The following MAP2K3 variants were observed in gnomAD, a reference collection of about 807,000 sequenced individuals.
MAP2K3 encodes the protein mitogen-activated protein kinase kinase 3.
A neutral mutation model predicts 46.4 loss-of-function variants in MAP2K3; 30 were observed. The observed-to-expected ratio is 0.65, with a 90% CI of 0.48 to 0.88. The LOEUF (loss-of-function observed/expected upper bound fraction) is 0.88, where lower values mean the gene tolerates loss of function less well. Ranked by LOEUF, MAP2K3 falls within the 40% of genes least tolerant of loss-of-function variation. The probability of loss-of-function intolerance (pLI) is 0.00; values close to 1 mark genes in which losing one functional copy is unlikely to be tolerated. For missense variants in MAP2K3, 380 were observed against 464.5 expected (o/e 0.82, Z 1.67); for synonymous variants, 189 against 176.3 (o/e 1.07, Z -0.57).
intron 7 of MAP2K3, 133 bp from the exon 8 acceptor site, chr17:21,304,293 C>T (rs903615528): frequency 1.3e-6 from 2 of 1,523,410 alleles, no homozygotes; most frequent in East Asian, 4.5e-5. Context: ...CCTGGTGCAA[C>T]CTGCCCACTG....
chr17:21,298,614 C>A (rs888238489), intron 2 of MAP2K3, 135 bp downstream of exon 2: 2 of 1,442,066 alleles, frequency 1.4e-6, no homozygotes. Flanking sequence ...GCTGTGCATA[C>A]AGCCAGGTGA....
At chr17:21,309,001 A>G (rs558458338) in intron 9 of MAP2K3, among the ~76,000 whole-genome samples, 1 of 152,424 alleles carries the variant, frequency 6.6e-6, no homozygotes, top group East Asian at 1.9e-4. Flanking sequence ...TGTTTCCACC[A>G]CTGTGGCTGG....
At position 21,298,087 on chromosome 17, in the gene MAP2K3, G is replaced by T. The variant is rs565999017; in HGVS notation, c.50-326G>T. Among the ~76,000 whole-genome samples, 7 of 152,428 alleles carry T rather than the reference G, an allele frequency of 4.6e-5. No homozygotes were observed. In the East Asian group the frequency reaches 1.3e-3, roughly 29 times the overall value. On this transcript the variant is annotated intron_variant, in intron 1 of 11. Coordinates refer to ENST00000342679, the MANE Select transcript of MAP2K3 (RefSeq NM_145109.3). ...TTCTCACCCCACATCCCATTGACTA[G>T]TCAGGCAGGGCAGTGAGGACACCTC...
intron 1 of MAP2K3, among the ~76,000 whole-genome samples, chr17:21,293,961 T>C (rs1353296100): frequency 6.6e-6 from 1 of 152,304 alleles, no homozygotes; most frequent in Non-Finnish European, 1.5e-5. Flanking sequence ...TGCCCACAGG[T>C]GCTTGGCAGT....
At chr17:21,293,575 GA>G (rs1948167401) in intron 1 of MAP2K3, among the ~76,000 whole-genome samples, 1 of 152,310 alleles carries the variant, frequency 6.6e-6, no homozygotes, top group African/African-American at 2.4e-5. Flanking sequence ...ATAGTCTGGG[GA>G]TCCCCCGTTC....
chr17:21,311,028 G>C (rs4995133), intron 9 of MAP2K3, among the ~76,000 whole-genome samples: 2 of 152,172 alleles, frequency 1.3e-5, no homozygotes, highest in African/African-American at 4.8e-5. Context: ...AAATCGGTAC[G>C]GTTTTGTCCT....
In MAP2K3 at chr17:21,300,909, G is replaced by A. The variant is rs1417239554; in HGVS notation, c.315G>A (p.Lys105=). The part of the protein sequence containing the change: ...IRATVNSQEQ[K]RLLMDLDINM... ...CCACCGTGAACTCACAGGAGCAGAA[G>A]CGGCTGCTCATGGACCTGGACATCA... is the stretch of plus-strand genomic sequence containing the variant. Residue 105 remains lysine (K), a synonymous_variant, in exon 5 of 12, where the codon AAG becomes AAA. Transcript: ENST00000342679. 1 of 1,614,226 alleles carries A rather than the reference G, an allele frequency of 6.2e-7. No homozygotes were observed. The highest frequency in any genetic ancestry group is 1.1e-5 in the South Asian group (1 of 91,092).
intron 1 of MAP2K3, among the ~76,000 whole-genome samples, chr17:21,292,622 C>T (rs1237980901): frequency 6.6e-6 from 1 of 152,306 alleles, no homozygotes; most frequent in Non-Finnish European, 1.5e-5. Context: ...ACCTTGGCCT[C>T]CCAAAGTGCT....
chr17:21,294,567 G>A (rs1597806287), intron 1 of MAP2K3, among the ~76,000 whole-genome samples: 1 of 152,312 alleles, frequency 6.6e-6, no homozygotes, highest in East Asian at 1.9e-4. Flanking sequence ...AGACAGACCT[G>A]CCTTTATGGC....
intron 4 of MAP2K3, 106 bp downstream of exon 4, chr17:21,300,764 C>CT: frequency 6.2e-7 from 1 of 1,608,176 alleles, no homozygotes. Context: ...CGAGGCTAGG[C>CT]TTTTTGGGGC....
intron 1 of MAP2K3, among the ~76,000 whole-genome samples, chr17:21,290,373 A>T (rs1418512952): frequency 3.5e-5 from 1 of 28,514 alleles, no homozygotes; most frequent in Admixed American, 3.2e-4. Context: ...CTTCTGGTCA[A>T]CCCATAGCCT....
At chr17:21,311,488 C>G (rs2057229890) in intron 9 of MAP2K3, among the ~76,000 whole-genome samples, 1 of 152,168 alleles carries the variant, frequency 6.6e-6, no homozygotes. Context: ...TGTGGCCACA[C>G]AGGCCACTTG....
At chr17:21,297,570 G>A (rs1176578473) in intron 1 of MAP2K3, among the ~76,000 whole-genome samples, 1 of 152,308 alleles carries the variant, frequency 6.6e-6, no homozygotes, top group Non-Finnish European at 1.5e-5. Flanking sequence ...TGGCGGCTAT[G>A]CCTTATTCAA....
chr17:21,288,014 T>C (rs1444376653), intron 1 of MAP2K3: 1 of 1,289,038 alleles, frequency 7.8e-7, no homozygotes, highest in African/African-American at 1.5e-5. Context: ...AGCCAACCCA[T>C]GGCCCAGCGC....
At chr17:21,292,214 A>AGTGCTGGGGCT (rs1387750776) in intron 1 of MAP2K3, among the ~76,000 whole-genome samples, 2 of 152,310 alleles carry the variant, frequency 1.3e-5, no homozygotes, top group Non-Finnish European at 2.9e-5. Context: ...CAGACAGAGG[A>AGTGCTGGGGCT]GAGTGCTGGG....
intron 1 of MAP2K3, among the ~76,000 whole-genome samples, chr17:21,288,270 G>T (rs1468383699): frequency 2.0e-5 from 3 of 152,252 alleles, no homozygotes; most frequent in Non-Finnish European, 4.4e-5. Context: ...CTCGGACTGG[G>T]CTGGGAACCC....
At position 21,313,517 on chromosome 17, in the gene MAP2K3, A is replaced by C. The variant is rs753881799; in HGVS notation, c.940A>C (p.Met314Leu). 2.7e-6 allele frequency: 4 copies of C among 1,470,798 alleles called. No individual in the cohort carries two copies. Among genetic ancestry groups the C allele is most frequent in the Non-Finnish European group, 2.8e-6 (3 of 1,090,734 alleles). 91.1% of individuals were successfully genotyped at this position (1,470,798 alleles called of 1,614,324 possible). A position where few individuals can be genotyped will look rare whatever the true frequency, so the allele number is the denominator to read the frequency against. The stretch of plus-strand genomic sequence containing the variant: ...CCTGAGGAAGAACCCCGCAGAGCGT[A>C]TGAGCTACCTGGAGCTGATGGTGAG... The part of the protein sequence containing the change: ...QCLRKNPAER[M>L]SYLELMEHPF... The change falls in exon 11 of 12, where the codon ATG (methionine) becomes CTG (leucine). Residue 314 changes from methionine to leucine, a missense_variant. Physicochemically the swap from Met to Leu is conservative, Grantham distance 15 (BLOSUM62 2). Transcript: ENST00000342679.
intron 8 of MAP2K3, among the ~76,000 whole-genome samples, chr17:21,304,776 T>C (rs971405402): frequency 6.6e-6 from 1 of 152,310 alleles, no homozygotes; most frequent in Non-Finnish European, 1.5e-5. Context: ...GATAAGCTCA[T>C]GGACCACCTC....
Position 21,298,484 on chromosome 17 carries a change from G to A in MAP2K3, c.116+5G>A, listed in dbSNP as rs1226779448. 3.7e-6 allele frequency: 6 copies of A among 1,614,316 alleles called. No homozygotes were observed. Among genetic ancestry groups the A allele is most frequent in the South Asian group, 2.2e-5 (2 of 91,092 alleles). On this transcript the variant is annotated splice_donor_5th_base_variant and intron_variant, in intron 2 of 11. Coordinates refer to ENST00000342679, the MANE Select transcript of MAP2K3 (RefSeq NM_145109.3). ...GCCACCCGCACCCAACCCCACGTGA[G>A]TCTGCCTCAGTTTCTCCCTGGCTCA...
Sources: allele counts gnomAD v4.1 joint callset (sites outside exome capture counted in the v4.1 genomes callset), GRCh38; gene constraint gnomAD v4.1.1; transcripts MANE v1.5; gene names NCBI Gene and HGNC (gene_info 2026-07-23, HGNC 2026-07-21).